Variants in ABCB1 observed in about 807,000 individuals in gnomAD.
The protein encoded by ABCB1 is ATP binding cassette subfamily B member 1, also known as ATP-dependent translocase ABCB1.
A neutral mutation model predicts 142.0 loss-of-function variants in ABCB1; 69 were observed. The observed-to-expected ratio is 0.49, with a 90% CI of 0.40 to 0.59. The LOEUF (loss-of-function observed/expected upper bound fraction) is 0.59. ABCB1 is among the 20% of genes least tolerant of loss of function. The pLI, the probability that ABCB1 is intolerant of heterozygous loss-of-function variation, is 0.00. For synonymous variants in ABCB1, 532 were observed against 539.2 expected (o/e 0.99, Z 0.18); for missense variants, 1,326 against 1,554.7 (o/e 0.85, Z 2.47).
chr7:87,546,922 TG>T (rs1330873105), intron 14 of ABCB1, among the ~76,000 whole-genome samples: 2 of 152,248 alleles, frequency 1.3e-5, no homozygotes, highest in Non-Finnish European at 2.9e-5. Context: ...GTAGTTGTGA[TG>T]ACTAAATAAA....
chr7:87,701,757 T>C (rs1275566969), intron 1 of ABCB1, among the ~76,000 whole-genome samples: 1 of 152,148 alleles, frequency 6.6e-6, no homozygotes, highest in Non-Finnish European at 1.5e-5. Flanking sequence ...CTTCATATAC[T>C]TCAACCAAAA....
rs1432167827 is a variant in ABCB1, at chr7:87,566,905, C to A, written c.410G>T (p.Cys137Phe). Residue 137 changes from cysteine (C) to phenylalanine (F), a missense_variant, in exon 6 of 28, where the codon TGC becomes TTC. Physicochemically the swap from Cys to Phe is radical, Grantham distance 205. Transcript: ENST00000622132. ...VAAYIQVSFW[C>F]LAAGRQIHKI... ...GTGTATTTGTCTTCCAGCTGCCAGGCACCAAAATGAAACCTGAATGTAAGC... is the reference window on the plus strand; with the variant it reads ...GTGTATTTGTCTTCCAGCTGCCAGGAACCAAAATGAAACCTGAATGTAAGC... The A allele has an allele frequency of 6.2e-7, 1 of 1,613,998 alleles. No homozygotes were observed. The highest frequency in any genetic ancestry group is 8.5e-7 in the Non-Finnish European group (1 of 1,180,032).
At chr7:87,700,612 T>G in intron 1 of ABCB1, 1 of 1,513,834 alleles carries the variant, frequency 6.6e-7, no homozygotes, top group Admixed American at 1.9e-5. Flanking sequence ...GTATTTGGAA[T>G]AGCAGGAAGG....
At chr7:87,649,957 C>T (rs1823412432) in intron 1 of ABCB1, among the ~76,000 whole-genome samples, 1 of 152,136 alleles carries the variant, frequency 6.6e-6, no homozygotes, top group Non-Finnish European at 1.5e-5. Flanking sequence ...TGAGGCCTTC[C>T]CAGCCATGTA....
chr7:87,614,301 G>A (rs780088132), intron 1 of ABCB1, among the ~76,000 whole-genome samples: 32 of 152,104 alleles, frequency 2.1e-4, no homozygotes, highest in Non-Finnish European at 2.8e-4. Context: ...GGATGCTGAG[G>A]CAGGAAGATT....
intron 1 of ABCB1, among the ~76,000 whole-genome samples, chr7:87,644,615 G>T (rs1281227243): frequency 6.6e-6 from 1 of 152,058 alleles, no homozygotes; most frequent in Admixed American, 6.6e-5. Flanking sequence ...CATATAAAGG[G>T]ATATAACATG....
intron 1 of ABCB1, among the ~76,000 whole-genome samples, chr7:87,703,915 T>TTTTTTTTTTTTG (rs1829352011): frequency 1.6e-4 from 3 of 18,530 alleles, no homozygotes; most frequent in Non-Finnish European, 3.3e-4. Flanking sequence ...TTTTTTTTGG[T>TTTTTTTTTTTTG]TTTTTTTTTT....
chr7:87,633,927 A>C (rs1387142752), intron 1 of ABCB1, among the ~76,000 whole-genome samples: 1 of 152,206 alleles, frequency 6.6e-6, no homozygotes, highest in African/African-American at 2.4e-5. Context: ...TTTAGCTAAC[A>C]GTTCTGTAGG....
At chr7:87,540,462 A>T (rs1354264765) in intron 18 of ABCB1, among the ~76,000 whole-genome samples, 2 of 152,128 alleles carry the variant, frequency 1.3e-5, no homozygotes, top group Admixed American at 6.6e-5. Flanking sequence ...TTATTTAGAG[A>T]CAGGGACTCA....
chr7:87,646,571 A>G (rs962566777), intron 1 of ABCB1, among the ~76,000 whole-genome samples: 2 of 152,158 alleles, frequency 1.3e-5, no homozygotes, highest in African/African-American at 4.8e-5. Context: ...TTCTTATTCC[A>G]TTCTACTGAA....
rs559795405 is a variant in ABCB1, at chr7:87,646,369, A to C, written c.-330-45291T>G. ...TGGAGAACATAGTGACTAAAATCTTATCAGACTGTTAAAGGTGGAAATTGA... is the reference window on the plus strand; with the variant it reads ...TGGAGAACATAGTGACTAAAATCTTCTCAGACTGTTAAAGGTGGAAATTGA... On this transcript the variant is annotated intron_variant, in intron 1 of 28. Transcript: ENST00000265724. Among the ~76,000 whole-genome samples, 9 of 152,322 alleles carry C rather than the reference A, an allele frequency of 5.9e-5. No homozygotes were observed. In the East Asian group the frequency reaches 1.7e-3, roughly 29 times the overall value.
chr7:87,518,725 G>A (rs770512653), intron 23 of ABCB1, among the ~76,000 whole-genome samples: 1 of 152,216 alleles, frequency 6.6e-6, no homozygotes, highest in Non-Finnish European at 1.5e-5. Context: ...ACATACTTTT[G>A]ACCACCAAAT....
At chr7:87,606,140 AG>A (rs1187978882) in intron 1 of ABCB1, among the ~76,000 whole-genome samples, 1 of 152,086 alleles carries the variant, frequency 6.6e-6, no homozygotes, top group African/African-American at 2.4e-5. Flanking sequence ...AAAAATTCAA[AG>A]GTCTAATAGA....
intron 1 of ABCB1, among the ~76,000 whole-genome samples, chr7:87,642,297 T>C (rs1171740972): frequency 6.6e-6 from 1 of 152,098 alleles, no homozygotes; most frequent in Non-Finnish European, 1.5e-5. Context: ...CATTCTAGTG[T>C]TGATAAACCA....
chr7:87,627,087 TCTA>T (rs1435030896), intron 1 of ABCB1, among the ~76,000 whole-genome samples: 4 of 152,186 alleles, frequency 2.6e-5, no homozygotes, highest in Non-Finnish European at 4.4e-5. Flanking sequence ...ATATTTTTAT[TCTA>T]CTAAACAGAA....
intron 1 of ABCB1, among the ~76,000 whole-genome samples, chr7:87,622,774 G>A (rs1820270381): frequency 6.6e-6 from 1 of 152,312 alleles, no homozygotes; most frequent in Admixed American, 6.5e-5. Context: ...GTGCATGCCT[G>A]TAATCCCCAC....
chr7:87,634,903 T>C (rs1821610352), intron 1 of ABCB1, among the ~76,000 whole-genome samples: 1 of 152,174 alleles, frequency 6.6e-6, no homozygotes, highest in Non-Finnish European at 1.5e-5. Flanking sequence ...ATGCGCACAA[T>C]GGAGGTAGGA....
At chr7:87,662,692 C>T (rs938963113) in intron 1 of ABCB1, among the ~76,000 whole-genome samples, 5 of 152,036 alleles carry the variant, frequency 3.3e-5, no homozygotes, top group East Asian at 1.9e-4. Context: ...AATGTGATTC[C>T]TCCAGTTTTG....
At chr7:87,523,607 G>A (rs1815637561) in intron 21 of ABCB1, among the ~76,000 whole-genome samples, 1 of 152,198 alleles carries the variant, frequency 6.6e-6, no homozygotes, top group African/African-American at 2.4e-5. Flanking sequence ...GGGCAACAGA[G>A]TGAGACTCCA....
Sources: gnomAD v4.1 joint callset for allele counts (sites outside exome capture counted in the v4.1 genomes callset) on GRCh38, gnomAD v4.1.1 for gene constraint, MANE v1.5 for transcripts, NCBI Gene and HGNC (gene_info 2026-07-23, HGNC 2026-07-21) for gene names.